The following FOCAD variants were observed in gnomAD, a reference collection of about 807,000 sequenced individuals.
The protein encoded by FOCAD is focadhesin.
In FOCAD, 198 loss-of-function variants were observed where a neutral mutation model predicts 225.6. The observed-to-expected ratio is 0.88, with a 90% CI of 0.78 to 0.99. The LOEUF (loss-of-function observed/expected upper bound fraction) is 0.99. Among genes scored for constraint, FOCAD ranks in the 50% least tolerant of loss-of-function variants. The probability of loss-of-function intolerance (pLI) is 0.00; values close to 1 mark genes in which losing one functional copy is unlikely to be tolerated. For synonymous variants in FOCAD, 897 were observed against 755.0 expected (o/e 1.19, Z -3.08); for missense variants, 2,713 against 2,123.6 (o/e 1.28, Z -5.46).
At position 20,861,588 on chromosome 9, in the gene FOCAD, C is replaced by G. The variant is rs1354414735; in HGVS notation, c.1921-990C>G. 3.3e-5 allele frequency among the ~76,000 whole-genome samples: 5 copies of G among 152,126 alleles called. 1 individual carries two copies. In the South Asian group the frequency reaches 8.3e-4, roughly 25 times the overall value. On this transcript the variant is annotated intron_variant, in intron 15 of 43. Transcript: ENST00000338382. ...AGAAATACTCTGTCTACTGTCTTTCCTTTGAGCCTCTTCTTAATCTGTCTC... is the reference window on the plus strand; with the variant it reads ...AGAAATACTCTGTCTACTGTCTTTCGTTTGAGCCTCTTCTTAATCTGTCTC...
chr9:20,892,329 A>G (rs979152159), intron 21 of FOCAD, among the ~76,000 whole-genome samples: 1 of 152,210 alleles, frequency 6.6e-6, no homozygotes, highest in African/African-American at 2.4e-5. Flanking sequence ...TGGCATAGAT[A>G]GTGATTCCTC....
rs375115339 is a variant in FOCAD at position 20,720,528 on chromosome 9, C to T, written c.281C>T (p.Ser94Leu). The change falls in exon 4 of 44, where the codon TCA becomes TTA. Residue 94 changes from serine to leucine, a missense_variant. Coordinates refer to ENST00000338382, the MANE Select transcript of FOCAD (RefSeq NM_001375567.1). ...VLNGILNLIP[S>L]TRNTHGLIKA... is the part of the protein sequence containing the mutation. ...AATGGGATACTCAACTTGATTCCAT[C>T]AACCAGGTACTTTTTCCTCAGTGTT... 1 of 1,613,450 alleles carries T rather than the reference C, an allele frequency of 6.2e-7. No homozygotes were observed. Among genetic ancestry groups the T allele is most frequent in the African/African-American group, 1.3e-5 (1 of 74,854 alleles).
At chr9:20,710,309 A>T (rs905224189) in intron 1 of FOCAD, among the ~76,000 whole-genome samples, 1 of 147,562 alleles carries the variant, frequency 6.8e-6, no homozygotes, top group African/African-American at 2.5e-5. Flanking sequence ...CTTAAAAAGT[A>T]ATATTACTGG....
intron 26 of FOCAD, among the ~76,000 whole-genome samples, chr9:20,927,486 A>G (rs1239302924): frequency 6.6e-6 from 1 of 152,006 alleles, no homozygotes; most frequent in African/African-American, 2.4e-5. Flanking sequence ...AGTTTTGAAA[A>G]CTGTTAAATA....
intron 1 of FOCAD, among the ~76,000 whole-genome samples, chr9:20,706,124 G>A (rs1163635258): frequency 6.6e-6 from 1 of 151,474 alleles, no homozygotes. Flanking sequence ...TTGTAGAGAT[G>A]GAGTCTCCTT....
At chr9:20,825,388 G>A (rs1300033088) in intron 15 of FOCAD, among the ~76,000 whole-genome samples, 2 of 152,008 alleles carry the variant, frequency 1.3e-5, no homozygotes, top group Non-Finnish European at 1.5e-5. Context: ...TGTGTGAAGC[G>A]TGATGTAGTC....
chr9:20,776,079 T>C (rs1046977887), intron 8 of FOCAD, among the ~76,000 whole-genome samples: 1 of 152,048 alleles, frequency 6.6e-6, no homozygotes, highest in African/African-American at 2.4e-5. Flanking sequence ...GAGTGAAGTA[T>C]GGAAGGTGGG....
intron 7 of FOCAD, 122 bp from the exon 8 acceptor site, chr9:20,769,910 A>T: frequency 4.9e-6 from 4 of 812,816 alleles, no homozygotes; most frequent in East Asian, 2.7e-5. Flanking sequence ...ACTTTTTTTC[A>T]TCTCCTTTAA....
chr9:20,903,372 A>G (rs899991820), intron 21 of FOCAD, among the ~76,000 whole-genome samples: 2 of 151,884 alleles, frequency 1.3e-5, no homozygotes, highest in African/African-American at 2.4e-5. Context: ...AGCTGCCTTT[A>G]TCTCTTTCCT....
At chr9:20,772,808 A>G (rs138562484) in intron 8 of FOCAD, among the ~76,000 whole-genome samples, 1,984 of 152,106 alleles carry the variant, frequency 0.013, 53 homozygotes, top group African/African-American at 0.045. Context: ...CAATTTGCCA[A>G]TCTTATGATT....
At chr9:20,747,573 A>G (rs1828156202) in intron 5 of FOCAD, among the ~76,000 whole-genome samples, 1 of 152,096 alleles carries the variant, frequency 6.6e-6, no homozygotes, top group Non-Finnish European at 1.5e-5. Flanking sequence ...AAGAAACCTC[A>G]TACCCGTTAT....
At chr9:20,980,931 A>G (rs1840638520) in intron 37 of FOCAD, among the ~76,000 whole-genome samples, 1 of 152,182 alleles carries the variant, frequency 6.6e-6, no homozygotes, top group African/African-American at 2.4e-5. Context: ...TACTTTGGTC[A>G]TAAATGGTCC....
chr9:20,741,000 A>G (rs1233038027), intron 5 of FOCAD, among the ~76,000 whole-genome samples: 1 of 152,188 alleles, frequency 6.6e-6, no homozygotes, highest in East Asian at 1.9e-4. Flanking sequence ...CTGAGTTAGC[A>G]GAGGACCCAG....
At chr9:20,909,269 G>A (rs2132034220) in intron 22 of FOCAD, among the ~76,000 whole-genome samples, 1 of 152,132 alleles carries the variant, frequency 6.6e-6, no homozygotes, top group Middle Eastern at 3.4e-3. Context: ...TTAACCCCAT[G>A]TATAATGGGA....
chr9:20,914,923 A>G (rs773316485), intron 23 of FOCAD, among the ~76,000 whole-genome samples: 26 of 152,200 alleles, frequency 1.7e-4, no homozygotes, highest in Non-Finnish European at 2.9e-4. Context: ...TTGATTTTGA[A>G]TCTATTTTAA....
intron 10 of FOCAD, among the ~76,000 whole-genome samples, chr9:20,782,482 A>G (rs536425477): frequency 4.6e-5 from 7 of 152,278 alleles, no homozygotes; most frequent in African/African-American, 1.7e-4. Context: ...TTCCGTTTCC[A>G]ATCCTGCCTG....
Position 20,959,370 on chromosome 9 carries a change from T to C in FOCAD, c.4132+6305T>C, listed in dbSNP as rs192581313. Among the ~76,000 whole-genome samples the C allele has an allele frequency of 2.2e-3, 337 of 152,240 alleles. 9 individuals carry two copies. In the East Asian group the frequency reaches 0.043, roughly 19 times the overall value. On this transcript the variant is annotated intron_variant, in intron 35 of 43. Transcript: ENST00000338382. ...TGAGAAATATCTGTTAATTTCCCCATCTTAAAATCAGATTGTTTATTTTTT... is the reference window on the plus strand; with the variant it reads ...TGAGAAATATCTGTTAATTTCCCCACCTTAAAATCAGATTGTTTATTTTTT...
chr9:20,945,954 C>T (rs1181645956), intron 29 of FOCAD, among the ~76,000 whole-genome samples: 1 of 152,086 alleles, frequency 6.6e-6, no homozygotes, highest in Non-Finnish European at 1.5e-5. Context: ...ATTTGATGTG[C>T]AAAAATTGAG....
At chr9:20,838,229 T>A (rs1826182375) in intron 15 of FOCAD, among the ~76,000 whole-genome samples, 1 of 152,098 alleles carries the variant, frequency 6.6e-6, no homozygotes, top group Non-Finnish European at 1.5e-5. Context: ...TGAGTATACA[T>A]TAGTTATCTT....
Sources: allele counts gnomAD v4.1 joint callset (sites outside exome capture counted in the v4.1 genomes callset), GRCh38; gene constraint gnomAD v4.1.1; transcripts MANE v1.5; gene names NCBI Gene and HGNC (gene_info 2026-07-23, HGNC 2026-07-21).